Variants in LINGO2 observed in about 807,000 individuals in gnomAD.
The protein encoded by LINGO2 is leucine rich repeat and Ig domain containing 2, also known as leucine-rich repeat and immunoglobulin-like domain-containing nogo receptor-interacting protein 2.
A neutral mutation model predicts 30.6 loss-of-function variants in LINGO2; 14 were observed. That is an observed-to-expected ratio of 0.46 (90% CI 0.30 to 0.72). The LOEUF (loss-of-function observed/expected upper bound fraction) is 0.72, where lower values mean the gene tolerates loss of function less well. LINGO2 is among the 30% of genes least tolerant of loss of function. The pLI is 0.07. For missense variants in LINGO2, 729 were observed against 751.7 expected, an observed-to-expected ratio of 0.97 and a Z score of 0.35; for synonymous variants, 317 against 288.5, an observed-to-expected ratio of 1.10 and a Z score of -1.00.
At chr9:27,954,316 AT>A (rs1819458621) in intron 5 of LINGO2, among the ~76,000 whole-genome samples, 2 of 152,158 alleles carry the variant, frequency 1.3e-5, no homozygotes, top group Admixed American at 6.5e-5. Flanking sequence ...GTTGGTATCC[AT>A]TAACAAACCT....
At chr9:28,356,572 T>A (rs1294640276) in intron 3 of LINGO2, among the ~76,000 whole-genome samples, 1 of 152,070 alleles carries the variant, frequency 6.6e-6, no homozygotes, top group Non-Finnish European at 1.5e-5. Flanking sequence ...TGGGAAAAAA[T>A]TTTAGGTTAG....
At chr9:28,193,612 A>G (rs1819898733) in intron 4 of LINGO2, among the ~76,000 whole-genome samples, 1 of 152,334 alleles carries the variant, frequency 6.6e-6, no homozygotes, top group Admixed American at 6.5e-5. Context: ...AAAGGTAACC[A>G]CTAGAACAAA....
chr9:28,940,543 G>T, the LINGO2 span, among the ~76,000 whole-genome samples: 2 of 151,870 alleles, frequency 1.3e-5, no homozygotes, highest in Non-Finnish European at 1.5e-5. Flanking sequence ...AGGTTTATTT[G>T]TTACAGAATC....
At chr9:28,306,538 C>G (rs1240812181) in intron 3 of LINGO2, among the ~76,000 whole-genome samples, 1 of 151,980 alleles carries the variant, frequency 6.6e-6, no homozygotes, top group Non-Finnish European at 1.5e-5. Flanking sequence ...CAAGAGCAAA[C>G]ACATTCAAAA....
chr9:28,078,307 T>G (rs573745582), intron 4 of LINGO2, among the ~76,000 whole-genome samples: 2 of 149,030 alleles, frequency 1.3e-5, no homozygotes, highest in East Asian at 3.9e-4. Context: ...GCAGTTTAGT[T>G]TGCAGAGTTG....
chr9:28,181,002 A>T (rs1828895631), intron 4 of LINGO2, among the ~76,000 whole-genome samples: 1 of 152,176 alleles, frequency 6.6e-6, no homozygotes, highest in South Asian at 2.1e-4. Context: ...GGTTGCATCA[A>T]CGTGAGAAAA....
At chr9:28,656,066 A>T (rs1051165242) in intron 1 of LINGO2, among the ~76,000 whole-genome samples, 2 of 152,118 alleles carry the variant, frequency 1.3e-5, no homozygotes, top group Admixed American at 1.3e-4. Flanking sequence ...ATAGGTGTCA[A>T]ATTAGGCAAC....
At chr9:28,391,890 C>T (rs1413248299) in intron 2 of LINGO2, among the ~76,000 whole-genome samples, 15 of 152,104 alleles carry the variant, frequency 9.9e-5, no homozygotes, top group Non-Finnish European at 1.9e-4. Flanking sequence ...CTATTTTATG[C>T]TGAATCCATA....
At chr9:28,222,271 T>C (rs1251785341) in intron 4 of LINGO2, among the ~76,000 whole-genome samples, 1 of 152,192 alleles carries the variant, frequency 6.6e-6, no homozygotes, top group Non-Finnish European at 1.5e-5. Context: ...TAAATATTGC[T>C]GTAACTTGGT....
chr9:28,179,112 T>C (rs1465390977), intron 4 of LINGO2, among the ~76,000 whole-genome samples: 1 of 151,820 alleles, frequency 6.6e-6, no homozygotes. Context: ...TGGCATCTGC[T>C]AGTTCCACTT....
At chr9:28,188,290 T>C (rs1029731260) in intron 4 of LINGO2, among the ~76,000 whole-genome samples, 3 of 146,650 alleles carry the variant, frequency 2.0e-5, no homozygotes, top group Admixed American at 6.9e-5. Context: ...CACATAATAA[T>C]TGCTTCTGAT....
At chr9:28,273,791 T>C (rs1431557480) in intron 4 of LINGO2, among the ~76,000 whole-genome samples, 1 of 152,186 alleles carries the variant, frequency 6.6e-6, no homozygotes, top group African/African-American at 2.4e-5. Context: ...GTGATTCTGG[T>C]ATCTTTATTC....
At chr9:28,588,243 T>C (rs1420571648) in intron 1 of LINGO2, among the ~76,000 whole-genome samples, 1 of 151,736 alleles carries the variant, frequency 6.6e-6, no homozygotes, top group African/African-American at 2.4e-5. Flanking sequence ...AGAGTTAATA[T>C]GGTCCAAAGG....
chr9:28,474,575 T>C (rs1332425679), intron 2 of LINGO2, among the ~76,000 whole-genome samples: 1 of 152,204 alleles, frequency 6.6e-6, no homozygotes, highest in Non-Finnish European at 1.5e-5. Context: ...ATAATTTTTG[T>C]CATTTTTCAT....
chr9:28,232,532 A>G (rs941371383), intron 4 of LINGO2, among the ~76,000 whole-genome samples: 1 of 151,598 alleles, frequency 6.6e-6, no homozygotes, highest in African/African-American at 2.4e-5. Flanking sequence ...ATGTTTTGTT[A>G]TATGTAAACA....
intron 4 of LINGO2, among the ~76,000 whole-genome samples, chr9:28,018,029 A>G (rs1028913758): frequency 9.9e-5 from 15 of 152,252 alleles, no homozygotes; most frequent in Non-Finnish European, 5.9e-5. Flanking sequence ...AATGAAACAG[A>G]ATAGAGCGCC....
At chr9:29,010,994 T>A in the LINGO2 span, among the ~76,000 whole-genome samples, 1 of 152,298 alleles carries the variant, frequency 6.6e-6, no homozygotes, top group South Asian at 2.1e-4. Context: ...ATTAGCAAAT[T>A]ACTTAACCTA....
intron 1 of LINGO2, among the ~76,000 whole-genome samples, chr9:28,621,196 A>T (rs1385089883): frequency 6.6e-6 from 1 of 152,110 alleles, no homozygotes; most frequent in African/African-American, 2.4e-5. Flanking sequence ...ATAAAAATGT[A>T]TATATGTACA....
the LINGO2 span, among the ~76,000 whole-genome samples, chr9:28,680,908 T>C: frequency 6.6e-6 from 1 of 152,030 alleles, no homozygotes; most frequent in Non-Finnish European, 1.5e-5. Context: ...TATTACTCTG[T>C]TCATTGTTTC....
Sources: gnomAD v4.1 joint callset for allele counts (sites outside exome capture counted in the v4.1 genomes callset) on GRCh38, gnomAD v4.1.1 for gene constraint, MANE v1.5 for transcripts, NCBI Gene and HGNC (gene_info 2026-07-23, HGNC 2026-07-21) for gene names.